ATP10B: variants seen among roughly 807,000 people sequenced by gnomAD.
ATP10B encodes phospholipid-transporting ATPase VB.
A neutral mutation model predicts 141.2 loss-of-function variants in ATP10B; 122 were observed. That is an observed-to-expected ratio of 0.86 (90% confidence interval 0.75 to 1.00). The LOEUF is 1.00. Ranked by LOEUF, ATP10B falls within the 50% of genes least tolerant of loss-of-function variation. The probability of loss-of-function intolerance (pLI) is 0.00; values close to 1 mark genes in which losing one functional copy is unlikely to be tolerated. For synonymous variants in ATP10B, 685 were observed against 692.0 expected (o/e 0.99, Z 0.16); for missense variants, 1,876 against 1,825.3 (o/e 1.03, Z -0.51).
chr5:160,828,259 C>G (rs891133271), intron 1 of ATP10B, among the ~76,000 whole-genome samples: 1 of 152,144 alleles, frequency 6.6e-6, no homozygotes, highest in African/African-American at 2.4e-5. Context: ...AAACTACCAT[C>G]AGAGTGAACA....
chr5:160,890,097 T>A, the ATP10B span, among the ~76,000 whole-genome samples: 10 of 152,224 alleles, frequency 6.6e-5, no homozygotes, highest in Non-Finnish European at 1.2e-4. Flanking sequence ...TGCATTCTTA[T>A]TATTTGATTA....
At position 160,799,604 on chromosome 5, in the gene ATP10B, T is replaced by A. The variant is rs528239495; in HGVS notation, c.-575-13801A>T. Among the ~76,000 whole-genome samples, 17 of 152,318 alleles carry A rather than the reference T, an allele frequency of 1.1e-4. No homozygotes were observed. In the South Asian group the frequency reaches 3.5e-3, roughly 32 times the overall value. On this transcript the variant is annotated intron_variant, in intron 1 of 25. Transcript: ENST00000327245. ...TCTAATTCTCAACACCACTTCAGTA[T>A]GAACTTAAAAATCAATGGATGACTG...
At chr5:160,742,175 A>G (rs1339658268) in intron 2 of ATP10B, among the ~76,000 whole-genome samples, 1 of 152,186 alleles carries the variant, frequency 6.6e-6, no homozygotes, top group Non-Finnish European at 1.5e-5. Flanking sequence ...ATCTGTGCTA[A>G]TGGATAGGAG....
At chr5:160,629,500 G>A (rs1182359980) in intron 13 of ATP10B, among the ~76,000 whole-genome samples, 2 of 152,140 alleles carry the variant, frequency 1.3e-5, no homozygotes, top group Admixed American at 6.5e-5. Context: ...AAGTGCTCAG[G>A]ACTCACACAA....
intron 2 of ATP10B, among the ~76,000 whole-genome samples, chr5:160,722,815 G>A (rs1464080157): frequency 2.6e-5 from 4 of 152,262 alleles, no homozygotes; most frequent in East Asian, 3.9e-4. Flanking sequence ...AAACCATCTT[G>A]GGATGGAAAG....
chr5:160,877,513 T>C, the ATP10B span, among the ~76,000 whole-genome samples: 1 of 149,356 alleles, frequency 6.7e-6, no homozygotes, highest in Non-Finnish European at 1.5e-5. Context: ...CTATTCAACA[T>C]AGTGTTGGAA....
chr5:160,871,486 C>T, the ATP10B span, among the ~76,000 whole-genome samples: 1 of 152,114 alleles, frequency 6.6e-6, no homozygotes, highest in Non-Finnish European at 1.5e-5. Flanking sequence ...ATATACACTG[C>T]ACCATATTTG....
the ATP10B span, among the ~76,000 whole-genome samples, chr5:160,861,980 A>G: frequency 6.6e-6 from 1 of 152,006 alleles, no homozygotes; most frequent in African/African-American, 2.4e-5. Context: ...CTAATAGAAA[A>G]TAGGTTCTCA....
At chr5:160,805,699 G>C (rs1004882329) in intron 1 of ATP10B, among the ~76,000 whole-genome samples, 1 of 152,180 alleles carries the variant, frequency 6.6e-6, no homozygotes, top group African/African-American at 2.4e-5. Context: ...GTGGCCCCTA[G>C]TGCCCCAGAG....
the ATP10B span, among the ~76,000 whole-genome samples, chr5:160,898,688 A>T: frequency 0.46 from 70,037 of 151,982 alleles, 17,246 homozygotes; most frequent in Non-Finnish European, 0.54. Flanking sequence ...ATAAAGACAC[A>T]TGCACACGTA....
At chr5:160,902,885 A>G in the ATP10B span, among the ~76,000 whole-genome samples, 1 of 152,208 alleles carries the variant, frequency 6.6e-6, no homozygotes, top group Non-Finnish European at 1.5e-5. Flanking sequence ...TCCTCTGTGT[A>G]AGCCTTGGAA....
At chr5:160,600,436 G>A (rs572003310) in intron 21 of ATP10B, among the ~76,000 whole-genome samples, 1 of 152,248 alleles carries the variant, frequency 6.6e-6, no homozygotes, top group African/African-American at 2.4e-5. Flanking sequence ...TTATTATCTA[G>A]CTCTTTGAAG....
intron 3 of ATP10B, among the ~76,000 whole-genome samples, chr5:160,696,663 T>C (rs535903244): frequency 2.0e-5 from 3 of 152,180 alleles, no homozygotes; most frequent in Non-Finnish European, 4.4e-5. Flanking sequence ...TACCTACTAA[T>C]GCAGGAAAGG....
At chr5:160,617,816 T>C (rs1188027263) in intron 16 of ATP10B, 48 bp downstream of exon 16, 1 of 1,461,746 alleles carries the variant, frequency 6.8e-7, no homozygotes, top group Non-Finnish European at 9.6e-7. Context: ...TCAAGGCCAT[T>C]CAGCTATTTA....
At chr5:160,815,399 T>A (rs1363640620) in intron 1 of ATP10B, among the ~76,000 whole-genome samples, 3 of 152,152 alleles carry the variant, frequency 2.0e-5, no homozygotes, top group African/African-American at 7.2e-5. Context: ...AGAAGCCCAT[T>A]ACATAATGGT....
rs777686443 is a variant in ATP10B, at chr5:160,685,497, G to T, written c.470+582C>A. The T allele has an allele frequency of 1.4e-5, 4 of 291,618 alleles. No homozygotes were observed. In the East Asian group the frequency reaches 2.4e-4, roughly 17 times the overall value. The allele number at this position is 291,618 out of a possible 1,614,324, so 18.1% of individuals were successfully genotyped here. A position where few individuals can be genotyped will look rare whatever the true frequency, so the allele number is the denominator to read the frequency against. The stretch of plus-strand genomic sequence containing the variant: ...TTCCACCCTGGGCAGCCAAGAACAG[G>T]TGTACCAACTCTGGGTCCTAAAACC... On this transcript the variant is annotated intron_variant, in intron 6 of 25. Coordinates refer to ENST00000327245, the MANE Select transcript of ATP10B (RefSeq NM_025153.3).
Position 160,612,770 on chromosome 5 carries a change from T to C in ATP10B, c.2809A>G (p.Thr937Ala), listed in dbSNP as rs1757791069. Residue 937 changes from threonine to alanine, a missense_variant, in exon 18 of 26, where the codon ACT becomes GCT. Coordinates refer to ENST00000327245, the MANE Select transcript of ATP10B (RefSeq NM_025153.3). ...HSCRLLNQTD[T>A]VYTINTENQE... ...TTCTCTGTATTGATGGTATAAACAG[T>C]GTCGGTCTGATTTAACAGTCTGCAG... The C allele has an allele frequency of 6.2e-7, 1 of 1,613,934 alleles. No homozygotes were observed. The highest frequency in any genetic ancestry group is 8.5e-7 in the Non-Finnish European group (1 of 1,179,926).
At chr5:160,894,299 A>G in the ATP10B span, among the ~76,000 whole-genome samples, 1 of 152,038 alleles carries the variant, frequency 6.6e-6, no homozygotes, top group Admixed American at 6.6e-5. Flanking sequence ...GAAGCTAAGA[A>G]CCTTGAAAAA....
chr5:160,898,698 A>G, the ATP10B span, among the ~76,000 whole-genome samples: 477 of 152,350 alleles, frequency 3.1e-3, 5 homozygotes, highest in African/African-American at 0.011. Flanking sequence ...ATGCACACGT[A>G]TATTTATTGC....
Sources: allele counts gnomAD v4.1 joint callset (sites outside exome capture counted in the v4.1 genomes callset), GRCh38; gene constraint gnomAD v4.1.1; transcripts MANE v1.5; gene names NCBI Gene and HGNC (gene_info 2026-07-23, HGNC 2026-07-21).